Variants in SCD5 observed in about 807,000 individuals in gnomAD.
SCD5 encodes the protein acyl-CoA-desaturase 4.
SCD5 carries 20 observed loss-of-function variants against 30.4 expected under a neutral mutation model. The ratio of observed to expected loss-of-function variants is 0.66; its 90% confidence interval spans 0.46 to 0.96. The LOEUF (loss-of-function observed/expected upper bound fraction) is 0.96, where lower values mean the gene tolerates loss of function less well. Among genes scored for constraint, SCD5 ranks in the 40% least tolerant of loss-of-function variants. The probability of loss-of-function intolerance (pLI) is 0.00; values close to 1 mark genes in which losing one functional copy is unlikely to be tolerated. For missense variants in SCD5, 381 were observed against 443.3 expected, an observed-to-expected ratio of 0.86 and a Z score of 1.26; for synonymous variants, 173 against 176.4, an observed-to-expected ratio of 0.98 and a Z score of 0.16.
At chr4:82,742,009 G>A (rs1233164852) in intron 1 of SCD5, among the ~76,000 whole-genome samples, 2 of 151,456 alleles carry the variant, frequency 1.3e-5, no homozygotes, top group African/African-American at 4.9e-5. Flanking sequence ...GAAACCGGGA[G>A]GTGGAGCTTG....
At chr4:82,773,069 A>G (rs1721664180) in intron 1 of SCD5, among the ~76,000 whole-genome samples, 1 of 151,958 alleles carries the variant, frequency 6.6e-6, no homozygotes, top group African/African-American at 2.4e-5. Flanking sequence ...TTCATTCCTG[A>G]TCCTGCAGGC....
At chr4:82,785,599 T>C (rs537017858) in intron 1 of SCD5, among the ~76,000 whole-genome samples, 22 of 152,308 alleles carry the variant, frequency 1.4e-4, no homozygotes, top group African/African-American at 5.1e-4. Flanking sequence ...GTCAATAAAT[T>C]TCGATTTGTT....
chr4:82,667,436 C>A (rs1184844556), intron 3 of SCD5, among the ~76,000 whole-genome samples: 2 of 152,082 alleles, frequency 1.3e-5, no homozygotes, highest in African/African-American at 4.8e-5. Context: ...TTTTCCCCCA[C>A]CCAATATTTT....
At chr4:82,673,061 A>C (rs1246016503) in intron 3 of SCD5, among the ~76,000 whole-genome samples, 1 of 152,114 alleles carries the variant, frequency 6.6e-6, no homozygotes, top group African/African-American at 2.4e-5. Context: ...TATACAGCTA[A>C]TGTCATAAAG....
chr4:82,701,862 A>G (rs1418994902), intron 2 of SCD5, among the ~76,000 whole-genome samples: 1 of 152,174 alleles, frequency 6.6e-6, no homozygotes, highest in East Asian at 1.9e-4. Flanking sequence ...CAGATGCATG[A>G]GCGTGACAGC....
At chr4:82,772,375 T>G (rs776369980) in intron 1 of SCD5, among the ~76,000 whole-genome samples, 1 of 152,248 alleles carries the variant, frequency 6.6e-6, no homozygotes, top group Non-Finnish European at 1.5e-5. Context: ...AAGTGGGCAT[T>G]TGACCCAGGT....
intron 3 of SCD5, among the ~76,000 whole-genome samples, chr4:82,652,000 C>A (rs1162405688): frequency 6.6e-6 from 1 of 152,190 alleles, no homozygotes; most frequent in African/African-American, 2.4e-5. Context: ...CATTACTGTG[C>A]ATTTGAATCA....
intron 1 of SCD5, among the ~76,000 whole-genome samples, chr4:82,723,077 C>CCA (rs1720403649): frequency 1.1e-5 from 1 of 89,986 alleles, no homozygotes; most frequent in Non-Finnish European, 2.3e-5. Flanking sequence ...AACTCTGTCT[C>CCA]AAAAAAAAAA....
chr4:82,713,386 C>T (rs1394070037), intron 1 of SCD5, among the ~76,000 whole-genome samples: 1 of 152,088 alleles, frequency 6.6e-6, no homozygotes, highest in Non-Finnish European at 1.5e-5. Context: ...TTATAGCATA[C>T]GTTGTTACTA....
intron 1 of SCD5, among the ~76,000 whole-genome samples, chr4:82,785,096 A>G (rs1362228059): frequency 6.6e-6 from 1 of 152,094 alleles, no homozygotes. Flanking sequence ...ATCTATACTC[A>G]CAGGGTAGTG....
chr4:82,739,331 TCTCG>T (rs1720822160), intron 1 of SCD5, among the ~76,000 whole-genome samples: 1 of 152,158 alleles, frequency 6.6e-6, no homozygotes, highest in Non-Finnish European at 1.5e-5. Flanking sequence ...CAAACTCAAC[TCTCG>T]GGATCATGGG....
At chr4:82,747,841 C>A (rs1721026635) in intron 1 of SCD5, among the ~76,000 whole-genome samples, 1 of 152,162 alleles carries the variant, frequency 6.6e-6, no homozygotes, top group Non-Finnish European at 1.5e-5. Context: ...GGGGCAAAAG[C>A]TTGGAATAGT....
chr4:82,708,062 C>T (rs1720005354), intron 1 of SCD5, among the ~76,000 whole-genome samples: 1 of 152,028 alleles, frequency 6.6e-6, no homozygotes. Flanking sequence ...GGAAAGTAAA[C>T]AGGCTGGTGT....
intron 2 of SCD5, among the ~76,000 whole-genome samples, chr4:82,694,005 G>A (rs1719632488): frequency 6.6e-6 from 1 of 152,238 alleles, no homozygotes; most frequent in Non-Finnish European, 1.5e-5. Flanking sequence ...GGGTCTGGCT[G>A]CTGGGATGGC....
At chr4:82,667,325 C>T (rs1269887767) in intron 3 of SCD5, among the ~76,000 whole-genome samples, 1 of 152,086 alleles carries the variant, frequency 6.6e-6, no homozygotes, top group East Asian at 1.9e-4. Context: ...TAAAGCTCTA[C>T]TAGGAAAAGT....
At chr4:82,645,614 T>C (rs535695394) in intron 3 of SCD5, among the ~76,000 whole-genome samples, 2 of 152,306 alleles carry the variant, frequency 1.3e-5, no homozygotes, top group East Asian at 3.9e-4. Flanking sequence ...GGGAAGACGT[T>C]CCTCAGCATT....
chr4:82,778,251 C>A (rs1253906739), intron 1 of SCD5, among the ~76,000 whole-genome samples: 2 of 152,034 alleles, frequency 1.3e-5, no homozygotes, highest in Non-Finnish European at 2.9e-5. Flanking sequence ...ACTTAGAGGA[C>A]AAGTCAATAG....
At position 82,660,647 on chromosome 4, in the gene SCD5, A is replaced by AGTTC. The variant is rs1449329088; in HGVS notation, c.569+20059_569+20060insGAAC. 3.6e-6 allele frequency: 5 copies of AGTTC among 1,386,468 alleles called. No individual in the cohort carries two copies. The African/African-American group carries it at 7.3e-5, about 20-fold the overall frequency. The allele number at this position is 1,386,468 out of a possible 1,614,324, so 85.9% of individuals were successfully genotyped here. ...GCTCTAGATGTGGAAATAGAATCTCAGAGACAGAATGACAAAACTGAAATC... is the reference window on the plus strand; with the variant it reads ...GCTCTAGATGTGGAAATAGAATCTCAGTTCGAGACAGAATGACAAAACTGAAATC... On this transcript the variant is annotated intron_variant, in intron 3 of 4. Transcript: ENST00000319540.
At chr4:82,735,565 A>G (rs1241888096) in intron 1 of SCD5, among the ~76,000 whole-genome samples, 1 of 152,244 alleles carries the variant, frequency 6.6e-6, no homozygotes, top group Non-Finnish European at 1.5e-5. Flanking sequence ...AGGAGCCGCC[A>G]CATTCGTTAC....
Sources: allele counts gnomAD v4.1 joint callset (sites outside exome capture counted in the v4.1 genomes callset), GRCh38; gene constraint gnomAD v4.1.1; transcripts MANE v1.5; gene names NCBI Gene and HGNC (gene_info 2026-07-23, HGNC 2026-07-21).